CEP85L: variants seen among roughly 807,000 people sequenced by gnomAD.
The protein encoded by CEP85L is centrosomal protein 85L.
In CEP85L, 60 loss-of-function variants were observed where a neutral mutation model predicts 100.3. The ratio of observed to expected loss-of-function variants is 0.60; its 90% CI spans 0.49 to 0.74. CEP85L has a LOEUF of 0.74. Ranked by LOEUF, CEP85L falls within the 30% of genes least tolerant of loss-of-function variation. The pLI is 0.00. For synonymous variants in CEP85L, 319 were observed against 322.7 expected (o/e 0.99, Z 0.12); for missense variants, 973 against 936.2 (o/e 1.04, Z -0.51).
At chr6:118,553,593 G>T (rs576900751) in intron 3 of CEP85L, among the ~76,000 whole-genome samples, 1 of 152,232 alleles carries the variant, frequency 6.6e-6, no homozygotes, top group African/African-American at 2.4e-5. Flanking sequence ...ATAACTTTAG[G>T]ATTATGGCAT....
intron 2 of CEP85L, among the ~76,000 whole-genome samples, chr6:118,579,904 C>T (rs1780469738): frequency 6.6e-6 from 1 of 152,292 alleles, no homozygotes; most frequent in South Asian, 2.1e-4. Context: ...ATGGCAATTC[C>T]CACCTTCTTC....
At chr6:118,532,798 G>GGCTA (rs1777368310) in intron 3 of CEP85L, among the ~76,000 whole-genome samples, 1 of 151,888 alleles carries the variant, frequency 6.6e-6, no homozygotes, top group African/African-American at 2.4e-5. Context: ...AAGGTAATAG[G>GGCTA]GCTAGGCTTG....
At chr6:118,593,153 T>C (rs1412447583) in intron 2 of CEP85L, among the ~76,000 whole-genome samples, 2 of 152,116 alleles carry the variant, frequency 1.3e-5, no homozygotes, top group Non-Finnish European at 2.9e-5. Context: ...AATTAGTAGT[T>C]GCCTACAGCT....
chr6:118,467,228 G>A (rs2114396690), intron 12 of CEP85L, among the ~76,000 whole-genome samples: 1 of 152,268 alleles, frequency 6.6e-6, no homozygotes, highest in East Asian at 1.9e-4. Context: ...AAATGTCTAG[G>A]TGAAAGGTAT....
intron 3 of CEP85L, among the ~76,000 whole-genome samples, chr6:118,549,947 T>C (rs777084162): frequency 6.6e-6 from 1 of 151,908 alleles, no homozygotes; most frequent in Non-Finnish European, 1.5e-5. Flanking sequence ...AATGTGGTAG[T>C]ACCATACATT....
chr6:118,651,690 G>A, upstream of CEP85L: 13 of 661,658 alleles, frequency 2.0e-5, no homozygotes, highest in Non-Finnish European at 2.4e-5. Flanking sequence ...GCGCGGGGCG[G>A]GGACTGCGGG....
At chr6:118,601,231 T>C (rs764160605) in intron 2 of CEP85L, among the ~76,000 whole-genome samples, 2 of 152,200 alleles carry the variant, frequency 1.3e-5, no homozygotes, top group African/African-American at 4.8e-5. Flanking sequence ...GCCTAAAACA[T>C]AGTAACAGCT....
intron 1 of CEP85L, among the ~76,000 whole-genome samples, chr6:118,674,367 T>TA (rs1482901863): frequency 2.0e-5 from 3 of 151,436 alleles, no homozygotes; most frequent in Admixed American, 1.3e-4. Context: ...CTACTAAAAA[T>TA]AAAAAAATTA....
intron 1 of CEP85L, among the ~76,000 whole-genome samples, chr6:118,680,833 GCCTCTGCACT>G (rs943688591): frequency 1.6e-4 from 25 of 151,756 alleles, no homozygotes; most frequent in African/African-American, 5.8e-4. Context: ...CCAAGATCAT[GCCTCTGCACT>G]CCAGCCTGGG....
chr6:118,567,258 TATATATATATA>T (rs1190632783), intron 2 of CEP85L, among the ~76,000 whole-genome samples: 2 of 56,184 alleles, frequency 3.6e-5, no homozygotes, highest in African/African-American at 1.4e-4. Context: ...TGTATATATA[TATATATATATA>T]TATATATATA....
At chr6:118,572,744 G>A (rs775642815) in intron 2 of CEP85L, among the ~76,000 whole-genome samples, 39 of 152,058 alleles carry the variant, frequency 2.6e-4, no homozygotes, top group Non-Finnish European at 4.4e-4. Context: ...AGGTAGAAAA[G>A]ACAATACAAA....
chr6:118,650,455 C>T (rs1775474453), intron 1 of CEP85L, among the ~76,000 whole-genome samples: 1 of 152,214 alleles, frequency 6.6e-6, no homozygotes, highest in Admixed American at 6.5e-5. Context: ...CAGACCCCTT[C>T]AGATACGGAA....
chr6:118,504,099 C>A (rs1010154257), intron 5 of CEP85L, among the ~76,000 whole-genome samples: 13 of 152,102 alleles, frequency 8.5e-5, no homozygotes, highest in African/African-American at 1.4e-4. Flanking sequence ...ATAGGCCGGG[C>A]GCGGTAGCTC....
chr6:118,614,585 T>G (rs570699997), intron 2 of CEP85L, among the ~76,000 whole-genome samples: 1 of 152,322 alleles, frequency 6.6e-6, no homozygotes, highest in South Asian at 2.1e-4. Context: ...GGCTCACACC[T>G]GTAATCCCAG....
intron 3 of CEP85L, among the ~76,000 whole-genome samples, chr6:118,547,727 A>G (rs137915982): frequency 6.6e-6 from 1 of 152,138 alleles, no homozygotes; most frequent in South Asian, 2.1e-4. Context: ...TTTAACTGTA[A>G]GATAAAAATA....
At chr6:118,558,843 G>A in intron 3 of CEP85L, 1 of 961,874 alleles carries the variant, frequency 1.0e-6, no homozygotes, top group South Asian at 1.3e-5. Context: ...AAAGAAGACA[G>A]TTATCTCATA....
chr6:118,543,270 G>A (rs1014519893), intron 3 of CEP85L, among the ~76,000 whole-genome samples: 2 of 152,008 alleles, frequency 1.3e-5, no homozygotes, highest in African/African-American at 4.8e-5. Context: ...CAATCATTAG[G>A]GACAAAGAAA....
chr6:118,600,300 G>GGGGGGGTGTGTGTGTGTGT (rs1562297733), intron 2 of CEP85L, among the ~76,000 whole-genome samples: 3 of 52,236 alleles, frequency 5.7e-5, no homozygotes, highest in Non-Finnish European at 4.0e-5. Flanking sequence ...CCTTCCTGGG[G>GGGGGGGTGTGTGTGTGTGT]GTGTGTGTGT....
At chr6:118,709,317 G>A (rs1777704869) in intron 1 of CEP85L, among the ~76,000 whole-genome samples, 1 of 152,066 alleles carries the variant, frequency 6.6e-6, no homozygotes, top group East Asian at 1.9e-4. Flanking sequence ...TTGTCCAGAG[G>A]AAACACCCCT....
Sources: gnomAD v4.1 joint callset for allele counts (sites outside exome capture counted in the v4.1 genomes callset) on GRCh38, gnomAD v4.1.1 for gene constraint, MANE v1.5 for transcripts, NCBI Gene and HGNC (gene_info 2026-07-23, HGNC 2026-07-21) for gene names.